The following PHACTR3 variants were observed in gnomAD, a reference collection of about 807,000 sequenced individuals.
The protein encoded by PHACTR3 is phosphatase and actin regulator 3.
In PHACTR3, 16 loss-of-function variants were observed where a neutral mutation model predicts 66.8. The observed-to-expected ratio is 0.24, with a 90% confidence interval of 0.16 to 0.36. The LOEUF (loss-of-function observed/expected upper bound fraction) is 0.36, where lower values mean the gene tolerates loss of function less well. PHACTR3 is among the 10% of genes least tolerant of loss of function. The pLI is 1.00. For synonymous variants in PHACTR3, 323 were observed against 292.1 expected (o/e 1.11, Z -1.08); for missense variants, 647 against 719.9 (o/e 0.90, Z 1.16).
upstream of PHACTR3, chr20:59,604,491 G>C: frequency 4.3e-6 from 2 of 464,134 alleles, no homozygotes; most frequent in Non-Finnish European, 5.6e-6. Flanking sequence ...CGCGCGGCAT[G>C]ATGGGAGAAT....
chr20:59,808,253 C>T (rs570815079), intron 8 of PHACTR3, among the ~76,000 whole-genome samples: 6 of 152,236 alleles, frequency 3.9e-5, no homozygotes, highest in Non-Finnish European at 7.3e-5. Context: ...TTTGCGCCCA[C>T]GGACACTGCC....
At chr20:59,845,111 G>GGTTAATTTAT (rs1383367288) in intron 11 of PHACTR3, 78 bp from the exon 12 acceptor site, 7 of 903,708 alleles carry the variant, frequency 7.7e-6, no homozygotes, top group Non-Finnish European at 1.2e-5. Flanking sequence ...GATTAGGAAT[G>GGTTAATTTAT]GTTAATTTAT....
chr20:59,809,334 C>T (rs73129351), intron 8 of PHACTR3, among the ~76,000 whole-genome samples: 5,849 of 152,184 alleles, frequency 0.038, 152 homozygotes, highest in Non-Finnish European at 0.052. Flanking sequence ...CCCTGCCGCT[C>T]GGCCTCTGCA....
chr20:59,582,789 A>G (rs6026975), intron 1 of PHACTR3, among the ~76,000 whole-genome samples: 71,033 of 151,818 alleles, frequency 0.47, 17,926 homozygotes, highest in African/African-American at 0.65. Flanking sequence ...GTGGTTTGTG[A>G]GCGCCGTCGA....
rs145181713 is a variant in PHACTR3 at position 59,826,632 on chromosome 20, C to T, written c.1329-9873C>T. On this transcript the variant is annotated intron_variant, in intron 8 of 12. Transcript: ENST00000371015. Reference sequence around the variant, plus strand: ...CTGTCCTCACTCTGCCTCTCATACCCACTCTCCCACACACTCTGTCCCTGC... The same window carrying T: ...CTGTCCTCACTCTGCCTCTCATACCTACTCTCCCACACACTCTGTCCCTGC... Among the ~76,000 whole-genome samples, 565 of 152,058 alleles carry T rather than the reference C, an allele frequency of 3.7e-3. 5 individuals carry two copies. Among genetic ancestry groups the T allele is most frequent in the African/African-American group, 0.013 (521 of 41,490 alleles).
At chr20:59,635,057 C>A in intron 1 of PHACTR3, among the ~76,000 whole-genome samples, 1 of 151,904 alleles carries the variant, frequency 6.6e-6, no homozygotes, top group East Asian at 1.9e-4. Flanking sequence ...AAGGCTGCTC[C>A]TTGCATTTTC....
At chr20:59,780,266 T>C (rs2040680608) in intron 7 of PHACTR3, among the ~76,000 whole-genome samples, 1 of 152,224 alleles carries the variant, frequency 6.6e-6, no homozygotes, top group South Asian at 2.1e-4. Context: ...CCTGGGCCCA[T>C]GTAAGGACAG....
intron 1 of PHACTR3, among the ~76,000 whole-genome samples, chr20:59,674,615 CCTTCTCCTGTCCCCG>C (rs1252418733): frequency 2.7e-5 from 2 of 75,106 alleles, no homozygotes; most frequent in Non-Finnish European, 4.8e-5. Flanking sequence ...CCTGTTCCCC[CCTTCTCCTGTCCCCG>C]CTTCTCCTGT....
intron 1 of PHACTR3, among the ~76,000 whole-genome samples, chr20:59,701,494 G>T (rs2037503134): frequency 6.6e-6 from 1 of 152,180 alleles, no homozygotes; most frequent in Non-Finnish European, 1.5e-5. Context: ...TACCAGATAG[G>T]CTCCAGTAAG....
chr20:59,835,176 G>A (rs956217117), intron 8 of PHACTR3, among the ~76,000 whole-genome samples: 1 of 152,190 alleles, frequency 6.6e-6, no homozygotes, highest in Admixed American at 6.5e-5. Context: ...TTGAATGAGT[G>A]GCCTTTGGGG....
chr20:59,724,360 A>G (rs1466813474), intron 1 of PHACTR3, among the ~76,000 whole-genome samples: 1 of 152,172 alleles, frequency 6.6e-6, no homozygotes. Flanking sequence ...CTAGGCTGGG[A>G]ACTGTGATCA....
At chr20:59,723,718 A>G (rs370181376) in intron 1 of PHACTR3, among the ~76,000 whole-genome samples, 2 of 151,954 alleles carry the variant, frequency 1.3e-5, no homozygotes, top group African/African-American at 4.8e-5. Context: ...GAGGAGTCGA[A>G]TGGTCATATG....
intron 7 of PHACTR3, among the ~76,000 whole-genome samples, chr20:59,787,848 A>C (rs2040964633): frequency 6.6e-6 from 1 of 152,216 alleles, no homozygotes; most frequent in African/African-American, 2.4e-5. Flanking sequence ...TTTTACAGAA[A>C]CTAGACTTTA....
At chr20:59,617,577 T>C (rs1390831878) in intron 1 of PHACTR3, among the ~76,000 whole-genome samples, 4 of 152,194 alleles carry the variant, frequency 2.6e-5, no homozygotes, top group Admixed American at 2.0e-4. Context: ...GAACTGATGT[T>C]TGCATCTTGC....
At position 59,820,120 on chromosome 20, in the gene PHACTR3, C is replaced by T. The variant is rs2041994059; in HGVS notation, c.1328+13926C>T. On this transcript the variant is annotated intron_variant, in intron 8 of 12. Coordinates refer to ENST00000371015, the MANE Select transcript of PHACTR3 (RefSeq NM_080672.5). The surrounding 1 kb of genome is among the most constrained non-coding windows in gnomAD (Gnocchi z 4.6). ...TTCTGCACAGATGCACCTTCCTGAG[C>T]TCTTGGCGTGGCACCACCTCCTGCT... Among the ~76,000 whole-genome samples the T allele has an allele frequency of 6.6e-6, 1 of 152,198 alleles. No individual in the cohort carries two copies. Among genetic ancestry groups the T allele is most frequent in the Non-Finnish European group, 1.5e-5 (1 of 68,040 alleles).
At chr20:59,677,569 C>T (rs1256635889) in intron 1 of PHACTR3, among the ~76,000 whole-genome samples, 1 of 152,122 alleles carries the variant, frequency 6.6e-6, no homozygotes, top group African/African-American at 2.4e-5. Flanking sequence ...GTGCCTGCTG[C>T]GTTTTTAAGC....
intron 2 of PHACTR3, among the ~76,000 whole-genome samples, chr20:59,746,250 G>C (rs2039365981): frequency 6.6e-6 from 1 of 152,224 alleles, no homozygotes; most frequent in African/African-American, 2.4e-5. Flanking sequence ...GGGAGGTCAA[G>C]GATGGGATGG....
At chr20:59,705,487 A>G (rs2037668489) in intron 1 of PHACTR3, among the ~76,000 whole-genome samples, 1 of 152,210 alleles carries the variant, frequency 6.6e-6, no homozygotes. Context: ...AGAGTGATTC[A>G]TCTTACTCTC....
At chr20:59,667,538 AG>A (rs2036034714) in intron 1 of PHACTR3, among the ~76,000 whole-genome samples, 1 of 152,272 alleles carries the variant, frequency 6.6e-6, no homozygotes, top group African/African-American at 2.4e-5. Context: ...GAAACAAAGC[AG>A]GGACACCCTC....
Sources: allele counts gnomAD v4.1 joint callset (sites outside exome capture counted in the v4.1 genomes callset), GRCh38; gene constraint gnomAD v4.1.1; non-coding constraint Gnocchi (gnomAD v3.1); transcripts MANE v1.5; gene names NCBI Gene and HGNC (gene_info 2026-07-23, HGNC 2026-07-21).